The following FAR2 variants were observed in gnomAD, a reference collection of about 807,000 sequenced individuals.
FAR2 encodes fatty acyl-CoA reductase 2.
In FAR2, 19 loss-of-function variants were observed where a neutral mutation model predicts 56.0. That is an observed-to-expected ratio of 0.34 (90% CI 0.24 to 0.50). The LOEUF (loss-of-function observed/expected upper bound fraction) is 0.50, where lower values mean the gene tolerates loss of function less well. FAR2 is among the 20% of genes least tolerant of loss of function. The probability of loss-of-function intolerance (pLI) is 0.98; values close to 1 mark genes in which losing one functional copy is unlikely to be tolerated. For synonymous variants in FAR2, 219 were observed against 218.8 expected (o/e 1.00, Z -0.01); for missense variants, 508 against 642.2 (o/e 0.79, Z 2.26).
chr12:29,220,181 AT>A (rs1478953168), intron 1 of FAR2, among the ~76,000 whole-genome samples: 1 of 152,026 alleles, frequency 6.6e-6, no homozygotes, highest in Non-Finnish European at 1.5e-5. Context: ...GGCTGTGTCA[AT>A]TTTTCGTTAA....
chr12:29,295,499 A>G (rs1949049025), intron 3 of FAR2, among the ~76,000 whole-genome samples: 1 of 152,196 alleles, frequency 6.6e-6, no homozygotes, highest in Non-Finnish European at 1.5e-5. Context: ...TTGCATATGT[A>G]GAATACTTGG....
intron 1 of FAR2, among the ~76,000 whole-genome samples, chr12:29,229,447 G>A (rs1175892747): frequency 1.3e-5 from 2 of 151,922 alleles, no homozygotes; most frequent in Admixed American, 1.3e-4. Flanking sequence ...AAATAAATTG[G>A]TTGGCGAAAT....
chr12:29,239,756 A>G (rs1173464882), intron 1 of FAR2, among the ~76,000 whole-genome samples: 2 of 152,218 alleles, frequency 1.3e-5, no homozygotes, highest in African/African-American at 2.4e-5. Context: ...AATCCTTTAT[A>G]TATATGAACT....
chr12:29,181,209 G>A (rs754380591), intron 1 of FAR2, among the ~76,000 whole-genome samples: 26 of 152,048 alleles, frequency 1.7e-4, no homozygotes, highest in African/African-American at 2.4e-4. Context: ...ACGTTCACCC[G>A]TAGAATTACA....
intron 1 of FAR2, among the ~76,000 whole-genome samples, chr12:29,245,083 C>G (rs990012542): frequency 4.6e-5 from 7 of 151,906 alleles, no homozygotes; most frequent in African/African-American, 1.5e-4. Flanking sequence ...CGGGTTCAAG[C>G]GATTTTCCTG....
intron 1 of FAR2, among the ~76,000 whole-genome samples, chr12:29,260,132 A>T (rs543436792): frequency 1.6e-4 from 24 of 152,344 alleles, no homozygotes; most frequent in Admixed American, 9.1e-4. Context: ...CCTAGACTTA[A>T]CAAAGTTGTA....
intron 9 of FAR2, 82 bp from the exon 10 acceptor site, chr12:29,321,713 T>C (rs933941751): frequency 6.8e-7 from 1 of 1,475,372 alleles, no homozygotes; most frequent in African/African-American, 1.4e-5. Flanking sequence ...TGTATTTTCT[T>C]AAAAATAATT....
At chr12:29,185,503 A>T (rs117321672) in intron 1 of FAR2, among the ~76,000 whole-genome samples, 81 of 152,382 alleles carry the variant, frequency 5.3e-4, no homozygotes, top group Non-Finnish European at 1.1e-3. Flanking sequence ...TACCGGGTGA[A>T]CAACAAGAAT....
At chr12:29,268,992 G>A (rs1278682832) in intron 1 of FAR2, among the ~76,000 whole-genome samples, 1 of 152,110 alleles carries the variant, frequency 6.6e-6, no homozygotes, top group Non-Finnish European at 1.5e-5. Context: ...AAGATCTCAG[G>A]ACCACAGGAC....
At chr12:29,296,913 C>T (rs1293881896) in intron 3 of FAR2, 108 bp from the exon 4 acceptor site, 17 of 968,462 alleles carry the variant, frequency 1.8e-5, no homozygotes, top group South Asian at 3.5e-5. Flanking sequence ...TGTTTTGGTG[C>T]GGCCACCAAA....
At chr12:29,276,887 A>ATG (rs1224038940) in intron 2 of FAR2, among the ~76,000 whole-genome samples, 3 of 151,182 alleles carry the variant, frequency 2.0e-5, no homozygotes, top group South Asian at 2.1e-4. Context: ...ATATATATAT[A>ATG]TGTGTGTGTA....
chr12:29,256,746 C>T (rs1395260557), intron 1 of FAR2, among the ~76,000 whole-genome samples: 1 of 152,200 alleles, frequency 6.6e-6, no homozygotes, highest in Non-Finnish European at 1.5e-5. Context: ...AGCACTCGGC[C>T]GGCCCTGCCA....
chr12:29,313,451 C>T (rs980731634), intron 8 of FAR2, among the ~76,000 whole-genome samples: 2 of 152,062 alleles, frequency 1.3e-5, no homozygotes, highest in South Asian at 2.1e-4. Context: ...ATTCAGTTTG[C>T]TAATATTTCC....
At chr12:29,305,239 T>A (rs191539841) in intron 4 of FAR2, among the ~76,000 whole-genome samples, 5 of 152,250 alleles carry the variant, frequency 3.3e-5, no homozygotes, top group Admixed American at 6.5e-5. Context: ...GCTCAAGCAA[T>A]CCTCCTGCCT....
At chr12:29,171,152 A>C (rs1949881678) in intron 1 of FAR2, among the ~76,000 whole-genome samples, 1 of 152,206 alleles carries the variant, frequency 6.6e-6, no homozygotes, top group Admixed American at 6.5e-5. Flanking sequence ...GGAGATTAAC[A>C]ATGAGAAAGC....
At chr12:29,222,243 T>C (rs1947704404) in intron 1 of FAR2, among the ~76,000 whole-genome samples, 1 of 152,244 alleles carries the variant, frequency 6.6e-6, no homozygotes, top group African/African-American at 2.4e-5. Flanking sequence ...CCAATCTATT[T>C]GAACTTGTCC....
intron 1 of FAR2, among the ~76,000 whole-genome samples, chr12:29,262,675 T>C (rs1235720971): frequency 6.6e-6 from 1 of 151,738 alleles, no homozygotes; most frequent in Non-Finnish European, 1.5e-5. Flanking sequence ...AGCAAGAAAT[T>C]AAATCATACA....
intron 4 of FAR2, among the ~76,000 whole-genome samples, chr12:29,306,383 A>T (rs1225541752): frequency 6.6e-6 from 1 of 152,226 alleles, no homozygotes; most frequent in African/African-American, 2.4e-5. Flanking sequence ...CTCAGGATCA[A>T]ATGAGGCATT....
chr12:29,327,051 A>G (rs2136823294), intron 10 of FAR2, among the ~76,000 whole-genome samples: 1 of 152,360 alleles, frequency 6.6e-6, no homozygotes, highest in South Asian at 2.1e-4. Context: ...CAACTTCAGC[A>G]AAGTCTCAGG....
Sources: allele counts gnomAD v4.1 joint callset (sites outside exome capture counted in the v4.1 genomes callset), GRCh38; gene constraint gnomAD v4.1.1; transcripts MANE v1.5; gene names NCBI Gene and HGNC (gene_info 2026-07-23, HGNC 2026-07-21).